Variants in CYP2R1 observed in about 807,000 individuals in gnomAD.
CYP2R1 encodes vitamin D 25-hydroxylase.
CYP2R1 carries 40 observed loss-of-function variants against 45.7 expected under a neutral mutation model. The ratio of observed to expected loss-of-function variants is 0.87; its 90% confidence interval spans 0.68 to 1.14. The LOEUF (loss-of-function observed/expected upper bound fraction) is 1.14, where lower values mean the gene tolerates loss of function less well. Ranked by LOEUF, CYP2R1 falls within the 50% of genes most tolerant of loss-of-function variation. CYP2R1 has a pLI of 0.00. For synonymous variants in CYP2R1, 234 were observed against 219.3 expected (o/e 1.07, Z -0.59); for missense variants, 605 against 602.6 (o/e 1.00, Z -0.04).
intron 3 of CYP2R1, among the ~76,000 whole-genome samples, 185 bp downstream of exon 3, chr11:14,879,951 A>AT (rs879960263): frequency 7.2e-5 from 11 of 152,010 alleles, no homozygotes; most frequent in East Asian, 3.9e-4. Context: ...TCTTTCAGAG[A>AT]TTTTTTTTAC....
intron 2 of CYP2R1, 26 bp downstream of exon 2, chr11:14,885,750 C>T (rs1590225276): frequency 1.2e-6 from 2 of 1,608,368 alleles, no homozygotes; most frequent in Non-Finnish European, 1.7e-6. Context: ...CTTAGTAAAT[C>T]ACTAAATAGG....
rs1555010334 is a variant in CYP2R1, at chr11:14,878,231, A to G, written c.1397T>C (p.Leu466Pro). The G allele has an allele frequency of 1.9e-6, 3 of 1,613,260 alleles. No individual in the cohort carries two copies. Among genetic ancestry groups the G allele is most frequent in the Admixed American group, 3.3e-5 (2 of 59,852 alleles). ...TGGAAAATGCAAATGAAACCTCTGA[A>G]GCAATGCTGTAAAAAACAAGAACAT... ...MEMFLFFTALLQRFHLHFPHE... is the reference protein window; with the variant it reads ...MEMFLFFTALPQRFHLHFPHE... The change falls in exon 5 of 5, where the codon CTT (leucine) becomes CCT (proline). Residue 466 changes from leucine to proline, a missense_variant. Leu to Pro is a moderately conservative substitution (Grantham distance 98). Transcript: ENST00000334636.
intron 1 of CYP2R1, chr11:14,890,493 C>T (rs926596979): frequency 4.6e-6 from 4 of 870,146 alleles, no homozygotes; most frequent in African/African-American, 1.9e-5. Flanking sequence ...ATGAAAGGAA[C>T]GTAAACCATT....
At chr11:14,880,032 G>T in intron 3 of CYP2R1, 104 bp downstream of exon 3, 2 of 1,127,038 alleles carry the variant, frequency 1.8e-6, no homozygotes, top group Non-Finnish European at 1.3e-6. Context: ...GGCTGGCATC[G>T]CAGGAGTTCC....
Position 14,880,724 on chromosome 11 carries a change from G to A in CYP2R1, c.412C>T (p.Arg138Ter), listed in dbSNP as rs782803589. The A allele has an allele frequency of 1.4e-5, 22 of 1,602,506 alleles. No individual in the cohort carries two copies. The highest frequency in any genetic ancestry group is 9.5e-5 in the African/African-American group (7 of 73,842). The change falls in exon 3 of 5, where the codon CGA becomes TGA. Residue 138 changes from arginine to a stop codon, truncating the protein, a stop_gained. Transcript: ENST00000334636. LOFTEE classifies it high-confidence loss of function. ...TATCGAAAACTGTTTACAGCTAATC[G>A]TCTGTGATCAACCCATCCTCGGCCA... The part of the protein sequence containing the change: ...RYGRGWVDHR[R>*]LAVNSFRYFG...
intron 1 of CYP2R1, among the ~76,000 whole-genome samples, chr11:14,889,992 G>A: frequency 6.6e-6 from 1 of 152,058 alleles, no homozygotes; most frequent in Non-Finnish European, 1.5e-5. Flanking sequence ...AGCCGGGCGT[G>A]GTGGCGAGCA....
intron 1 of CYP2R1, chr11:14,886,817 ACTT>A (rs1220942323): frequency 6.6e-6 from 1 of 152,316 alleles, no homozygotes; most frequent in Non-Finnish European, 1.5e-5. Flanking sequence ...GGTACACACT[ACTT>A]CAGAAGAAAA....
chr11:14,887,017 C>T (rs1350985918), intron 1 of CYP2R1: 1 of 152,186 alleles, frequency 6.6e-6, no homozygotes, highest in Non-Finnish European at 1.5e-5. Flanking sequence ...GGACTGCCTG[C>T]CATAAGCAGT....
chr11:14,888,019 C>T (rs1194549636), intron 1 of CYP2R1, among the ~76,000 whole-genome samples: 2 of 152,138 alleles, frequency 1.3e-5, no homozygotes, highest in Non-Finnish European at 2.9e-5. Context: ...TTTTCTTAGT[C>T]TAGAATGTTC....
At chr11:14,891,703 G>C (rs1394820401) in intron 1 of CYP2R1, 3 of 1,234,528 alleles carry the variant, frequency 2.4e-6, no homozygotes, top group Non-Finnish European at 3.0e-6. Context: ...GCAGGAGCAA[G>C]AGCTCGAGCG....
At chr11:14,883,745 G>A (rs1395469506) in intron 2 of CYP2R1, among the ~76,000 whole-genome samples, 3 of 152,078 alleles carry the variant, frequency 2.0e-5, no homozygotes, top group East Asian at 3.9e-4. Context: ...GAGTGAACAG[G>A]CAACCTACAA....
In CYP2R1 at chr11:14,879,221, T is replaced by C. The variant is rs782742255; in HGVS notation, c.1223A>G (p.His408Arg). Reference protein sequence around the residue: ...TTVITNLYSVHFDEKYWRDPE... With the variant: ...TTVITNLYSVRFDEKYWRDPE... Reference sequence around the variant, plus strand: ...GTCTCTCCAGTACTTTTCATCAAAGTGTACAGAATAAAGATTTGTAATTAC... The same window carrying C: ...GTCTCTCCAGTACTTTTCATCAAAGCGTACAGAATAAAGATTTGTAATTAC... Residue 408 changes from histidine (H) to arginine (R), a missense_variant, in exon 4 of 5, where the codon CAC (histidine) becomes CGC (arginine). Physicochemically the swap from His to Arg is conservative, Grantham distance 29 (BLOSUM62 0). Transcript: ENST00000334636. The C allele has an allele frequency of 9.9e-6, 16 of 1,613,216 alleles. No individual in the cohort carries two copies.
rs145638214 is a variant in CYP2R1 at position 14,880,251 on chromosome 11, G to A, written c.885C>T (p.Phe295=). 2.4e-5 allele frequency: 38 copies of A among 1,613,002 alleles called. No individual in the cohort carries two copies. In the African/African-American group the frequency reaches 4.0e-4, roughly 17 times the overall value. The change falls in exon 3 of 5, where the codon TTC becomes TTT. Residue 295 remains phenylalanine, a synonymous_variant. Coordinates refer to ENST00000334636, the MANE Select transcript of CYP2R1 (RefSeq NM_024514.5). ...CTGAGAAAATTAGGTTTTCTTTGGA[G>A]AAAGTAGATGATGGGTCATTTTTAC... ...DQGKNDPSST[F]SKENLIFSVG...
intron 1 of CYP2R1, chr11:14,890,952 C>T (rs1590235624): frequency 1.0e-5 from 10 of 985,402 alleles, no homozygotes; most frequent in East Asian, 2.3e-4. Context: ...AAAACACTGA[C>T]CACAGCCTGT....
At chr11:14,891,781 G>C in intron 1 of CYP2R1, 200 bp downstream of exon 1, 1 of 1,397,608 alleles carries the variant, frequency 7.2e-7, no homozygotes, top group East Asian at 2.7e-5. Flanking sequence ...GCAGGGGCGG[G>C]GCTCCCCCTG....
intron 1 of CYP2R1, among the ~76,000 whole-genome samples, chr11:14,887,879 C>T (rs969936069): frequency 1.6e-4 from 24 of 152,238 alleles, no homozygotes; most frequent in East Asian, 5.8e-4. Context: ...TGCAGGTGAC[C>T]GGTCTAAGTC....
chr11:14,891,112 C>A, intron 1 of CYP2R1: 20 of 985,412 alleles, frequency 2.0e-5, no homozygotes, highest in Non-Finnish European at 2.4e-5. Flanking sequence ...GTCCCAGGAC[C>A]CGTGGAAACT....
In CYP2R1 at chr11:14,891,155, A is replaced by C. The variant is rs965621185; in HGVS notation, c.225+826T>G. 7.1e-6 allele frequency: 7 copies of C among 985,366 alleles called. No homozygotes were observed. In the Admixed American group the frequency reaches 4.3e-4, roughly 61 times the overall value. 61.0% of individuals were successfully genotyped at this position (985,366 alleles called of 1,614,324 possible). A position where few individuals can be genotyped will look rare whatever the true frequency, so the allele number is the denominator to read the frequency against. The stretch of plus-strand genomic sequence containing the variant: ...CCTCCGGACGTCGGGACACCCACAC[A>C]CAAGCGGTGGTCGCCTTTTCCGCTG... On this transcript the variant is annotated intron_variant, in intron 1 of 4. Transcript: ENST00000334636.
At position 14,878,125 on chromosome 11, in the gene CYP2R1, G is replaced by C; in HGVS notation, c.1503C>G (p.Arg501=). The C allele has an allele frequency of 1.9e-6, 3 of 1,612,930 alleles. No individual in the cohort carries two copies. The highest frequency in any genetic ancestry group is 2.5e-6 in the Non-Finnish European group (3 of 1,179,312). ...CCCGAAAACATCCCAGGCAGTTTCA[G>C]CGTCTTTCAGCACAGATGAGGTAGG... ...PQPYLICAER[R] The change falls in exon 5 of 5, where the codon CGC becomes CGG. Residue 501 remains arginine (R), a synonymous_variant. Transcript: ENST00000334636.
Sources: gnomAD v4.1 joint callset for allele counts (sites outside exome capture counted in the v4.1 genomes callset) on GRCh38, gnomAD v4.1.1 for gene constraint, MANE v1.5 for transcripts, NCBI Gene and HGNC (gene_info 2026-07-23, HGNC 2026-07-21) for gene names.